EPHX1: variants seen among roughly 807,000 people sequenced by gnomAD.
The protein encoded by EPHX1 is epoxide hydrolase 1, also known as epoxide hydratase.
EPHX1 carries 40 observed loss-of-function variants against 43.2 expected under a neutral mutation model. The ratio of observed to expected loss-of-function variants is 0.93; its 90% CI spans 0.72 to 1.21. The LOEUF (loss-of-function observed/expected upper bound fraction) is 1.21, where lower values mean the gene tolerates loss of function less well. EPHX1 is among the 50% of genes most tolerant of loss of function. EPHX1 has a pLI of 0.00. For missense variants in EPHX1, 550 were observed against 570.4 expected, an observed-to-expected ratio of 0.96 and a Z score of 0.36; for synonymous variants, 221 against 226.7, an observed-to-expected ratio of 0.98 and a Z score of 0.22.
At chr1:225,829,819 A>C (rs115359103) in intron 2 of EPHX1, among the ~76,000 whole-genome samples, 2,567 of 152,298 alleles carry the variant, frequency 0.017, 89 homozygotes, top group African/African-American at 0.055. Flanking sequence ...TCACGCTTTT[A>C]ATCCCAGCAC....
chr1:225,810,162 C>G lies in EPHX1; in HGVS notation c.-13C>G, dbSNP rs917929925. 6.6e-6 allele frequency: 1 copy of G among 151,816 alleles called. No individual in the cohort carries two copies. The highest frequency in any genetic ancestry group is 1.5e-5 in the Non-Finnish European group (1 of 67,916). The allele number at this position is 151,816 out of a possible 1,614,324, so 9.4% of individuals were successfully genotyped here. On this transcript the variant is annotated 5_prime_UTR_variant, in exon 1 of 9. Coordinates refer to ENST00000272167, the MANE Select transcript of EPHX1 (RefSeq NM_001136018.4). The stretch of plus-strand genomic sequence containing the variant: ...GCCTGCCGCCGCCGGAGCCTGCGAG[C>G]CGAGACCGTAAGCGCCCGGGGCCGG...
chr1:225,832,178 TA>T (rs1667644500), intron 3 of EPHX1: 1 of 580,604 alleles, frequency 1.7e-6, no homozygotes, highest in Non-Finnish European at 3.1e-6. Context: ...ACATGCAATT[TA>T]AAAACCAAAG....
At position 225,845,390 on chromosome 1, in the gene EPHX1, C is replaced by T. The variant is rs1668885563; in HGVS notation, c.*43C>T. The T allele has an allele frequency of 2.6e-6, 4 of 1,532,952 alleles. No homozygotes were observed. Among genetic ancestry groups the T allele is most frequent in the Non-Finnish European group, 3.5e-6 (4 of 1,140,398 alleles). 95.0% of individuals were successfully genotyped at this position (1,532,952 alleles called of 1,614,324 possible). A position where few individuals can be genotyped will look rare whatever the true frequency, so the allele number is the denominator to read the frequency against. On this transcript the variant is annotated 3_prime_UTR_variant, in exon 9 of 9. Transcript: ENST00000272167. ...GCCTGCCACCTCCCCCCACAAGTGC[C>T]CTCCAGGCTTTTCTTGGGGAAGATA...
chr1:225,819,785 C>G (rs1006112634), intron 1 of EPHX1, among the ~76,000 whole-genome samples: 1 of 152,132 alleles, frequency 6.6e-6, no homozygotes, highest in Non-Finnish European at 1.5e-5. Flanking sequence ...CCAGGTGGCT[C>G]TGCTCTAATA....
intron 3 of EPHX1, among the ~76,000 whole-genome samples, chr1:225,836,085 A>G (rs116722213): frequency 5.1e-4 from 78 of 151,574 alleles, no homozygotes; most frequent in African/African-American, 1.3e-3. Context: ...GAATGTATGT[A>G]TGGTTCTATT....
intron 1 of EPHX1, among the ~76,000 whole-genome samples, chr1:225,820,057 A>G (rs937098933): frequency 1.3e-5 from 2 of 152,086 alleles, no homozygotes; most frequent in Admixed American, 6.6e-5. Flanking sequence ...TTCTTCACTC[A>G]ACCACAAAAT....
chr1:225,845,333 C>T lies in EPHX1; in HGVS notation c.1354C>T (p.Leu452=). 1 of 1,610,626 alleles carries T rather than the reference C, an allele frequency of 6.2e-7. No individual in the cohort carries two copies. The change falls in exon 9 of 9, where the codon CTG becomes TTG. Residue 452 remains leucine, a synonymous_variant. Coordinates refer to ENST00000272167, the MANE Select transcript of EPHX1 (RefSeq NM_001136018.4). The stretch of plus-strand genomic sequence containing the variant: ...GGACATCCGCAAGTTCCTGTCGGTG[C>T]TGGAGCGGCAATGACCCACCCCTCT... ...AQDIRKFLSV[L]ERQ is the part of the protein sequence containing the mutation.
chr1:225,828,630 G>T, intron 1 of EPHX1, 95 bp from the exon 2 acceptor site: 1 of 1,194,862 alleles, frequency 8.4e-7, no homozygotes, highest in Non-Finnish European at 1.2e-6. Context: ...GGGTTGGAGC[G>T]CAGCAGGAAA....
intron 6 of EPHX1, chr1:225,841,225 G>A (rs1668381587): frequency 6.6e-6 from 1 of 152,126 alleles, no homozygotes. Context: ...CCTTGAGTCT[G>A]GCTTCTTTTG....
At chr1:225,833,895 A>C (rs1667781049) in intron 3 of EPHX1, among the ~76,000 whole-genome samples, 1 of 151,020 alleles carries the variant, frequency 6.6e-6, no homozygotes, top group Non-Finnish European at 1.5e-5. Flanking sequence ...CAGGAGATCG[A>C]GACCATCCTG....
At chr1:225,825,044 G>T (rs1234981760) in intron 1 of EPHX1, among the ~76,000 whole-genome samples, 5 of 152,210 alleles carry the variant, frequency 3.3e-5, no homozygotes, top group Admixed American at 2.0e-4. Flanking sequence ...GAATGCAAGA[G>T]ATCGTGTTTT....
chr1:225,826,447 C>CAAAAAAAAAAAAA (rs374232833), intron 1 of EPHX1, among the ~76,000 whole-genome samples: 3 of 84,182 alleles, frequency 3.6e-5, no homozygotes, highest in Middle Eastern at 8.2e-3. Flanking sequence ...GACTCTGTCT[C>CAAAAAAAAAAAAA]AAAAAAAAAA....
At chr1:225,837,405 T>C (rs951344316) in intron 3 of EPHX1, among the ~76,000 whole-genome samples, 1 of 152,216 alleles carries the variant, frequency 6.6e-6, no homozygotes, top group African/African-American at 2.4e-5. Flanking sequence ...GGGGCTGCCT[T>C]CTTTTGATAT....
chr1:225,823,936 T>G (rs180975843), intron 1 of EPHX1, among the ~76,000 whole-genome samples: 13 of 152,250 alleles, frequency 8.5e-5, no homozygotes, highest in African/African-American at 3.1e-4. Flanking sequence ...GCTTTCCCCT[T>G]ACTCCACATA....
intron 1 of EPHX1, among the ~76,000 whole-genome samples, chr1:225,818,137 C>T (rs998342829): frequency 1.3e-5 from 2 of 152,186 alleles, no homozygotes; most frequent in Non-Finnish European, 1.5e-5. Context: ...CTGTCTCTAC[C>T]AACTAGGCTA....
At chr1:225,842,634 T>A (rs985820640) in intron 7 of EPHX1, among the ~76,000 whole-genome samples, 160 bp downstream of exon 7, 3 of 152,196 alleles carry the variant, frequency 2.0e-5, no homozygotes, top group African/African-American at 7.2e-5. Context: ...GTAGCTGCAT[T>A]TTTTGGGTGA....
chr1:225,826,804 AG>A (rs1667265943), intron 1 of EPHX1, among the ~76,000 whole-genome samples: 1 of 151,604 alleles, frequency 6.6e-6, no homozygotes, highest in East Asian at 1.9e-4. Flanking sequence ...GGTCCAGGGG[AG>A]GGGGCGAGGC....
chr1:225,822,891 C>CA (rs1324351078), intron 1 of EPHX1, among the ~76,000 whole-genome samples: 1 of 152,204 alleles, frequency 6.6e-6, no homozygotes, highest in South Asian at 2.1e-4. Context: ...TGCACTCCCT[C>CA]ACGTCCAGCC....
Position 225,839,747 on chromosome 1 carries a change from G to C in EPHX1, c.723-82G>C, listed in dbSNP as rs1485795794. 12 of 1,438,072 alleles carry C rather than the reference G, an allele frequency of 8.3e-6. No homozygotes were observed. In the Admixed American group the frequency reaches 2.0e-4, roughly 24 times the overall value. 89.1% of individuals were successfully genotyped at this position (1,438,072 alleles called of 1,614,324 possible). A position where few individuals can be genotyped will look rare whatever the true frequency, so the allele number is the denominator to read the frequency against. On this transcript the variant is annotated intron_variant, in intron 5 of 8. Transcript: ENST00000272167. ...CTCTGTGCTCGCTCCTCAGCCCTGA[G>C]GCCTGTTCCTCCGCCATCTCTCCTC...
Sources: allele counts gnomAD v4.1 joint callset (sites outside exome capture counted in the v4.1 genomes callset), GRCh38; gene constraint gnomAD v4.1.1; transcripts MANE v1.5; gene names NCBI Gene and HGNC (gene_info 2026-07-23, HGNC 2026-07-21).